The following WDR70 variants were observed in gnomAD, a reference collection of about 807,000 sequenced individuals.
WDR70 encodes the protein WD repeat-containing protein 70.
A neutral mutation model predicts 88.6 loss-of-function variants in WDR70; 53 were observed. That is an observed-to-expected ratio of 0.60 (90% CI 0.48 to 0.75). The LOEUF (loss-of-function observed/expected upper bound fraction) is 0.75, where lower values mean the gene tolerates loss of function less well. Ranked by LOEUF, WDR70 falls within the 30% of genes least tolerant of loss-of-function variation. WDR70 has a pLI of 0.00. For synonymous variants in WDR70, 280 were observed against 270.0 expected (o/e 1.04, Z -0.36); for missense variants, 610 against 823.2 (o/e 0.74, Z 3.17).
intron 7 of WDR70, among the ~76,000 whole-genome samples, chr5:37,449,043 C>T (rs1215752390): frequency 6.6e-6 from 1 of 152,156 alleles, no homozygotes; most frequent in Non-Finnish European, 1.5e-5. Flanking sequence ...GTTACTTTTT[C>T]CTTTCCTTTC....
chr5:37,497,461 G>GTCTTCCCTTCCCTTCCA, intron 8 of WDR70, among the ~76,000 whole-genome samples: 2 of 68,092 alleles, frequency 2.9e-5, no homozygotes, highest in South Asian at 7.6e-4. Context: ...CTTTCCTTCC[G>GTCTTCCCTTCCCTTCCA]TCTTCCCTTT....
chr5:37,580,875 T>C (rs975377560), intron 9 of WDR70, among the ~76,000 whole-genome samples: 1 of 152,190 alleles, frequency 6.6e-6, no homozygotes, highest in African/African-American at 2.4e-5. Context: ...CTTACCTCAT[T>C]CCAAAAATGA....
chr5:37,475,344 C>T (rs911641992), intron 7 of WDR70, among the ~76,000 whole-genome samples: 11 of 152,176 alleles, frequency 7.2e-5, no homozygotes, highest in African/African-American at 1.4e-4. Context: ...AAGCAATTCT[C>T]CTGCCTCAGC....
intron 9 of WDR70, among the ~76,000 whole-genome samples, chr5:37,558,403 C>T (rs1035898821): frequency 7.9e-5 from 12 of 152,070 alleles, no homozygotes; most frequent in Middle Eastern, 3.4e-3. Flanking sequence ...ACTGCAGCCT[C>T]GACATCCCAA....
At chr5:37,469,220 CTAGGGTGGCAGTAGGATCTACCCGATAG>C (rs1561863985) in intron 7 of WDR70, among the ~76,000 whole-genome samples, 9 of 152,072 alleles carry the variant, frequency 5.9e-5, no homozygotes, top group Admixed American at 4.6e-4. Flanking sequence ...GTGCCCATAG[CTAGGGTGGCAGTAGGATCTACCCGATAG>C]TAGGGTGGCA....
chr5:37,606,746 A>T (rs1315056467), intron 10 of WDR70, among the ~76,000 whole-genome samples: 1 of 152,074 alleles, frequency 6.6e-6, no homozygotes, highest in Non-Finnish European at 1.5e-5. Flanking sequence ...ACCATATCTC[A>T]TTTGTTATAT....
intron 8 of WDR70, among the ~76,000 whole-genome samples, chr5:37,484,205 G>T (rs1412597955): frequency 1.3e-4 from 20 of 152,334 alleles, no homozygotes; most frequent in South Asian, 2.1e-4. Context: ...AAGGCAGGCG[G>T]CTGGGAGGTG....
chr5:37,697,864 A>T, intron 11 of WDR70, 110 bp downstream of exon 11: 1 of 806,394 alleles, frequency 1.2e-6, no homozygotes, highest in African/African-American at 1.7e-5. Context: ...GATTTTTGTT[A>T]ATGCACCTTT....
At chr5:37,646,354 T>G (rs1161974135) in intron 10 of WDR70, among the ~76,000 whole-genome samples, 1 of 152,154 alleles carries the variant, frequency 6.6e-6, no homozygotes, top group African/African-American at 2.4e-5. Flanking sequence ...TTGTTTTTGT[T>G]ATTTTTGATG....
intron 8 of WDR70, among the ~76,000 whole-genome samples, chr5:37,505,126 A>G (rs780105294): frequency 6.6e-6 from 1 of 152,186 alleles, no homozygotes; most frequent in Admixed American, 6.5e-5. Context: ...CTCATTACCC[A>G]CTGTAGGGTT....
intron 8 of WDR70, among the ~76,000 whole-genome samples, chr5:37,514,345 T>C (rs1433978203): frequency 1.4e-5 from 1 of 69,426 alleles, no homozygotes; most frequent in African/African-American, 3.4e-5. Context: ...ACTACATATA[T>C]ATATATATAT....
chr5:37,576,047 C>A (rs1398900923), intron 9 of WDR70, among the ~76,000 whole-genome samples: 1 of 151,306 alleles, frequency 6.6e-6, no homozygotes, highest in African/African-American at 2.4e-5. Context: ...TCCTTCCTTC[C>A]TTCCTTCCAA....
chr5:37,423,877 G>A (rs1384860257), intron 5 of WDR70, among the ~76,000 whole-genome samples: 1 of 146,046 alleles, frequency 6.8e-6, no homozygotes, highest in African/African-American at 2.5e-5. Context: ...TTGAACTCCC[G>A]GTGGCTCATG....
chr5:37,620,709 G>C (rs1744484621), intron 10 of WDR70, among the ~76,000 whole-genome samples: 1 of 151,998 alleles, frequency 6.6e-6, no homozygotes, highest in African/African-American at 2.4e-5. Context: ...TTAGAATCCA[G>C]AGTTTGAAAA....
chr5:37,400,503 A>T (rs1047584454), intron 5 of WDR70, among the ~76,000 whole-genome samples: 1 of 152,042 alleles, frequency 6.6e-6, no homozygotes, highest in Non-Finnish European at 1.5e-5. Flanking sequence ...TGTCTTTATA[A>T]AAAGAGTCAC....
intron 7 of WDR70, among the ~76,000 whole-genome samples, chr5:37,446,459 C>CAAA (rs199899846): frequency 6.6e-6 from 1 of 151,958 alleles, no homozygotes; most frequent in African/African-American, 2.4e-5. Context: ...CATATGGAAC[C>CAAA]AAAAAAGAGC....
intron 10 of WDR70, 107 bp downstream of exon 10, chr5:37,605,345 A>G (rs1744007459): frequency 1.6e-6 from 2 of 1,216,886 alleles, no homozygotes; most frequent in Non-Finnish European, 2.2e-6. Context: ...GAATTTCCTG[A>G]ATTTAGACCT....
chr5:37,599,460 A>G (rs1321051048), intron 9 of WDR70, among the ~76,000 whole-genome samples: 1 of 152,252 alleles, frequency 6.6e-6, no homozygotes, highest in East Asian at 1.9e-4. Context: ...TTAGGAATGA[A>G]TGCTGCAATA....
chr5:37,752,783 C>A lies in WDR70; in HGVS notation c.*210C>A. ...AACTATTAAACTGATTACAGATAAA[C>A]AAGAAACAGATTCTTAGTCTATTAC... is the stretch of plus-strand genomic sequence containing the variant. On this transcript the variant is annotated 3_prime_UTR_variant, in exon 18 of 18. Coordinates refer to ENST00000265107, the MANE Select transcript of WDR70 (RefSeq NM_018034.4). 2.2e-6 allele frequency: 1 copy of A among 464,922 alleles called. No homozygotes were observed. Among genetic ancestry groups the A allele is most frequent in the Non-Finnish European group, 3.8e-6 (1 of 265,688 alleles). The allele number at this position is 464,922 out of a possible 1,614,324, so 28.8% of individuals were successfully genotyped here.
Sources: gnomAD v4.1 joint callset for allele counts (sites outside exome capture counted in the v4.1 genomes callset) on GRCh38, gnomAD v4.1.1 for gene constraint, MANE v1.5 for transcripts, NCBI Gene and HGNC (gene_info 2026-07-23, HGNC 2026-07-21) for gene names.